The following TRHDE variants were observed in gnomAD, a reference collection of about 807,000 sequenced individuals.
The protein encoded by TRHDE is thyrotropin releasing hormone degrading enzyme, also known as thyrotropin-releasing hormone-degrading ectoenzyme.
Under a neutral mutation model 125.7 loss-of-function variants are expected in TRHDE, and 72 were observed. The ratio of observed to expected loss-of-function variants is 0.57; its 90% CI spans 0.47 to 0.70. The LOEUF (loss-of-function observed/expected upper bound fraction) is 0.70. Among genes scored for constraint, TRHDE ranks in the 30% least tolerant of loss-of-function variants. The pLI, the probability that TRHDE is intolerant of heterozygous loss-of-function variation, is 0.00. For missense variants in TRHDE, 1,110 were observed against 1,327.1 expected (o/e 0.84, Z 2.54); for synonymous variants, 509 against 509.1 (o/e 1.00, Z 0.00).
At chr12:72,300,523 T>C (rs1460606189) in intron 2 of TRHDE, among the ~76,000 whole-genome samples, 2 of 151,776 alleles carry the variant, frequency 1.3e-5, no homozygotes, top group Non-Finnish European at 2.9e-5. Flanking sequence ...GTATTTAGCA[T>C]CTTGGGAGGC....
At chr12:72,235,591 GT>G (rs1469021360) in intron 2 of TRHDE, among the ~76,000 whole-genome samples, 1 of 152,182 alleles carries the variant, frequency 6.6e-6, no homozygotes, top group Admixed American at 6.5e-5. Flanking sequence ...GTTAACCATG[GT>G]TTGGCCAATC....
intron 2 of TRHDE, among the ~76,000 whole-genome samples, chr12:72,252,611 T>C (rs1878710035): frequency 1.3e-5 from 2 of 152,124 alleles, no homozygotes; most frequent in Admixed American, 1.3e-4. Context: ...CAGATTATCT[T>C]AGATATTCTA....
intron 7 of TRHDE, among the ~76,000 whole-genome samples, chr12:72,553,602 C>G (rs1869778169): frequency 6.6e-6 from 1 of 151,972 alleles, no homozygotes. Flanking sequence ...GCTGCTAGAC[C>G]CCACAACTTG....
At chr12:72,120,674 CTTTTTTTT>C (rs36076979) in intron 2 of TRHDE, among the ~76,000 whole-genome samples, 1 of 118,776 alleles carries the variant, frequency 8.4e-6, no homozygotes, top group South Asian at 2.9e-4. Context: ...TACTCTTTAA[CTTTTTTTT>C]TTTTTTTTTT....
intron 12 of TRHDE, among the ~76,000 whole-genome samples, chr12:72,614,332 T>TA (rs1355390049): frequency 6.0e-5 from 4 of 66,392 alleles, no homozygotes; most frequent in South Asian, 3.4e-4. Flanking sequence ...ATATATATAT[T>TA]TTTTTTTTCT....
intron 12 of TRHDE, among the ~76,000 whole-genome samples, chr12:72,593,977 C>A (rs888854141): frequency 2.6e-5 from 4 of 152,096 alleles, no homozygotes; most frequent in African/African-American, 7.2e-5. Flanking sequence ...AATAAACATA[C>A]CTGTGCATGT....
intron 2 of TRHDE, among the ~76,000 whole-genome samples, chr12:72,363,009 G>A (rs1456891240): frequency 6.6e-6 from 1 of 152,010 alleles, no homozygotes; most frequent in Non-Finnish European, 1.5e-5. Flanking sequence ...GATGCCTCCA[G>A]CTTTGTTCTT....
chr12:72,254,485 C>T (rs947958405), intron 2 of TRHDE: 1 of 152,144 alleles, frequency 6.6e-6, no homozygotes, highest in African/African-American at 2.4e-5. Context: ...CCCAACAGTC[C>T]TAAGGGCCAG....
At chr12:72,659,907 A>G (rs1874851273) in intron 18 of TRHDE, among the ~76,000 whole-genome samples, 1 of 152,146 alleles carries the variant, frequency 6.6e-6, no homozygotes, top group Non-Finnish European at 1.5e-5. Flanking sequence ...GATTGTAAGA[A>G]ATAAAGACAC....
chr12:72,220,259 C>T (rs1182496304), intron 2 of TRHDE, among the ~76,000 whole-genome samples: 1 of 151,974 alleles, frequency 6.6e-6, no homozygotes, highest in Non-Finnish European at 1.5e-5. Flanking sequence ...AAGTTGTTAT[C>T]CAATTATTAT....
At chr12:72,635,245 A>G (rs1325751162) in intron 15 of TRHDE, among the ~76,000 whole-genome samples, 1 of 152,108 alleles carries the variant, frequency 6.6e-6, no homozygotes, top group Non-Finnish European at 1.5e-5. Context: ...CATTTCTTTG[A>G]TGGCCAGTGA....
rs1273795737 is a variant in TRHDE at position 72,278,959 on chromosome 12, T to C, written c.914+5402T>C. Among the ~76,000 whole-genome samples the C allele has an allele frequency of 2.6e-5, 4 of 152,246 alleles. No individual in the cohort carries two copies. The South Asian group carries it at 8.3e-4, about 31-fold the overall frequency. ...ACATTTTAGTTTGATGCAATCCCGT[T>C]TGTCTATTTTTTGCTTTTGTTGCCT... On this transcript the variant is annotated intron_variant, in intron 1 of 18. Transcript: ENST00000261180.
At chr12:72,099,381 AG>A (rs761837006) in intron 1 of TRHDE, among the ~76,000 whole-genome samples, 2 of 152,156 alleles carry the variant, frequency 1.3e-5, no homozygotes, top group African/African-American at 2.4e-5. Context: ...TATATTGCAG[AG>A]GGTAACTGTG....
chr12:72,482,280 C>G (rs746393412), intron 5 of TRHDE, among the ~76,000 whole-genome samples: 3 of 151,444 alleles, frequency 2.0e-5, no homozygotes, highest in East Asian at 1.9e-4. Context: ...CTTAGCTGAC[C>G]GATATACTTC....
chr12:72,224,696 C>A (rs1473307870), intron 2 of TRHDE, among the ~76,000 whole-genome samples: 1 of 152,066 alleles, frequency 6.6e-6, no homozygotes, highest in African/African-American at 2.4e-5. Context: ...AATCAACAAG[C>A]TATAATTCAG....
At chr12:72,276,813 A>T (rs1277867593) in intron 1 of TRHDE, among the ~76,000 whole-genome samples, 1 of 152,232 alleles carries the variant, frequency 6.6e-6, no homozygotes, top group Non-Finnish European at 1.5e-5. Context: ...GGCAGAATAC[A>T]TACTCACTTT....
intron 15 of TRHDE, among the ~76,000 whole-genome samples, chr12:72,646,222 G>A (rs920908451): frequency 6.6e-6 from 1 of 152,054 alleles, no homozygotes; most frequent in Non-Finnish European, 1.5e-5. Context: ...ACAGTGTGAG[G>A]ACAGGAGTTA....
At chr12:72,521,004 C>A (rs1270195630) in intron 6 of TRHDE, among the ~76,000 whole-genome samples, 1 of 152,162 alleles carries the variant, frequency 6.6e-6, no homozygotes, top group East Asian at 1.9e-4. Context: ...TTGGCCCAGA[C>A]TCATAATAGC....
At chr12:72,370,962 C>T (rs1447014738) in intron 2 of TRHDE, among the ~76,000 whole-genome samples, 1 of 152,094 alleles carries the variant, frequency 6.6e-6, no homozygotes, top group Non-Finnish European at 1.5e-5. Flanking sequence ...ATGCGGGTCT[C>T]GAAATCCTGA....
Sources: allele counts gnomAD v4.1 joint callset (sites outside exome capture counted in the v4.1 genomes callset), GRCh38; gene constraint gnomAD v4.1.1; transcripts MANE v1.5; gene names NCBI Gene and HGNC (gene_info 2026-07-23, HGNC 2026-07-21).